PKHD1: variants seen among roughly 807,000 people sequenced by gnomAD.
PKHD1 encodes fibrocystin.
Under a neutral mutation model 412.0 loss-of-function variants are expected in PKHD1, and 291 were observed. The ratio of observed to expected loss-of-function variants is 0.71; its 90% CI spans 0.64 to 0.78. The LOEUF (loss-of-function observed/expected upper bound fraction) is 0.78. Ranked by LOEUF, PKHD1 falls within the 30% of genes least tolerant of loss-of-function variation. The probability of loss-of-function intolerance (pLI) is 0.00; values close to 1 mark genes in which losing one functional copy is unlikely to be tolerated. For synonymous variants in PKHD1, 1,777 were observed against 1,821.5 expected, an observed-to-expected ratio of 0.98 and a Z score of 0.62; for missense variants, 4,825 against 4,950.7, an observed-to-expected ratio of 0.97 and a Z score of 0.76.
At chr6:52,070,075 G>A (rs1810374266) in intron 10 of PKHD1, among the ~76,000 whole-genome samples, 1 of 152,080 alleles carries the variant, frequency 6.6e-6, no homozygotes, top group Admixed American at 6.6e-5. Context: ...CTTCCTAGAT[G>A]GTACAATGTA....
At chr6:51,832,256 G>A (rs770583688) in intron 51 of PKHD1, among the ~76,000 whole-genome samples, 6 of 152,064 alleles carry the variant, frequency 3.9e-5, no homozygotes, top group Non-Finnish European at 8.8e-5. Context: ...AGCTTCCCGA[G>A]GGAAGTAGTA....
At chr6:51,701,067 A>G (rs1363103505) in intron 60 of PKHD1, among the ~76,000 whole-genome samples, 1 of 152,144 alleles carries the variant, frequency 6.6e-6, no homozygotes, top group Non-Finnish European at 1.5e-5. Flanking sequence ...TTTAACAACT[A>G]AAATTATTAT....
intron 35 of PKHD1, among the ~76,000 whole-genome samples, chr6:51,968,344 C>T (rs1793151856): frequency 6.6e-6 from 1 of 152,158 alleles, no homozygotes; most frequent in African/African-American, 2.4e-5. Flanking sequence ...ATGGGTAGGC[C>T]TCCGATTAAC....
chr6:51,767,659 T>G (rs1237700372), intron 55 of PKHD1, among the ~76,000 whole-genome samples: 1 of 152,200 alleles, frequency 6.6e-6, no homozygotes, highest in East Asian at 1.9e-4. Flanking sequence ...TCATTTTTTA[T>G]GGCAGCATAG....
At chr6:51,776,035 T>C (rs1172990701) in intron 53 of PKHD1, 114 bp from the exon 54 acceptor site, 3 of 647,724 alleles carry the variant, frequency 4.6e-6, no homozygotes, top group East Asian at 2.7e-5. Context: ...GTAGACTATA[T>C]GGAGGAGTCA....
chr6:51,952,925 T>C (rs1389825685), intron 36 of PKHD1, among the ~76,000 whole-genome samples: 2 of 151,972 alleles, frequency 1.3e-5, no homozygotes, highest in Non-Finnish European at 2.9e-5. Context: ...TAACATCCAG[T>C]AGAGGTTTAT....
In PKHD1 at chr6:51,746,742, T is replaced by A; in HGVS notation, c.9977A>T (p.Tyr3326Phe). 1.9e-6 allele frequency: 3 copies of A among 1,608,230 alleles called. No individual in the cohort carries two copies. The highest frequency in any genetic ancestry group is 2.6e-6 in the Non-Finnish European group (3 of 1,174,882). Residue 3326 changes from tyrosine (Y) to phenylalanine (F), a missense_variant, in exon 59 of 67, where the codon TAC (tyrosine) becomes TTC (phenylalanine). Physicochemically the swap from Tyr to Phe is conservative, Grantham distance 22. Coordinates refer to ENST00000371117, the MANE Select transcript of PKHD1 (RefSeq NM_138694.4). ...ATACCTGGGTTGTAATGAAGGAAAG[T>A]AGAACTTGTTTTTATCTTTTATCTT... ...MLKIKDKNKF[Y>F]FPSLQPRKDL...
In PKHD1 at chr6:51,805,771, G is replaced by A. The variant is rs77976027; in HGVS notation, c.8303-14398C>T. 8.1e-3 allele frequency among the ~76,000 whole-genome samples: 1,233 copies of A among 152,212 alleles called. 17 individuals are homozygous for A. Among genetic ancestry groups the A allele is most frequent in the African/African-American group, 0.028 (1,175 of 41,510 alleles). Reference sequence around the variant, plus strand: ...TTTCAGAGTGCTCTGGCTGCAGTGGGGGAGAATGGAGTAGATGAGGGTAAG... The same window carrying A: ...TTTCAGAGTGCTCTGGCTGCAGTGGAGGAGAATGGAGTAGATGAGGGTAAG... On this transcript the variant is annotated intron_variant, in intron 52 of 66. Coordinates refer to ENST00000371117, the MANE Select transcript of PKHD1 (RefSeq NM_138694.4).
intron 63 of PKHD1, among the ~76,000 whole-genome samples, chr6:51,641,180 T>C (rs566320456): frequency 1.1e-4 from 16 of 152,328 alleles, no homozygotes; most frequent in African/African-American, 3.4e-4. Flanking sequence ...ATGTGATTTC[T>C]TCCCTACTTC....
intron 18 of PKHD1, 58 bp from the exon 19 acceptor site, chr6:52,055,787 T>G: frequency 1.3e-6 from 2 of 1,568,640 alleles, no homozygotes; most frequent in Non-Finnish European, 1.7e-6. Context: ...AAGACAGAGC[T>G]TCCCTACATG....
At chr6:51,973,449 C>T (rs1046623714) in intron 35 of PKHD1, among the ~76,000 whole-genome samples, 8 of 152,130 alleles carry the variant, frequency 5.3e-5, no homozygotes, top group African/African-American at 1.9e-4. Flanking sequence ...ACCAAATTTC[C>T]TTTTTACGTG....
In PKHD1 at chr6:52,058,330, T is replaced by A. The variant is rs767695967; in HGVS notation, c.1505A>T (p.Glu502Val). ...QIRVRAQRLP[E>V]VQVLNVSGRG... is the part of the protein sequence containing the mutation. ...CTGGAAAGAGACACAGACCTGTACT[T>A]CTGGAAGCCTCTGGGCTCGGACTCG... Residue 502 changes from glutamate to valine, a missense_variant, in exon 16 of 67, where the codon GAA (glutamate) becomes GTA (valine). Coordinates refer to ENST00000371117, the MANE Select transcript of PKHD1 (RefSeq NM_138694.4). The A allele has an allele frequency of 2.5e-6, 4 of 1,614,128 alleles. No homozygotes were observed. The South Asian group carries it at 4.4e-5, about 18-fold the overall frequency.
At position 51,885,854 on chromosome 6, in the gene PKHD1, CA is replaced by C. The variant is rs761002737; in HGVS notation, c.7215+12del. On this transcript the variant is annotated intron_variant, in intron 45 of 66. Coordinates refer to ENST00000371117, the MANE Select transcript of PKHD1 (RefSeq NM_138694.4). Reference sequence around the variant, plus strand: ...AAAACAACAACAATAACAACAACAACAAAAAAGCTTACCTGGGCACCACCTG... The same window carrying C: ...AAAACAACAACAATAACAACAACAACAAAAAGCTTACCTGGGCACCACCTG... 2.6e-6 allele frequency: 4 copies of C among 1,552,722 alleles called. No individual in the cohort carries two copies. The highest frequency in any genetic ancestry group is 1.4e-5 in the African/African-American group (1 of 73,812).
chr6:51,958,949 GA>G (rs889646171), intron 36 of PKHD1, among the ~76,000 whole-genome samples: 1 of 151,336 alleles, frequency 6.6e-6, no homozygotes, highest in Non-Finnish European at 1.5e-5. Flanking sequence ...CTATAGAAGA[GA>G]AAAAAAACAG....
chr6:51,841,310 A>G lies in PKHD1; in HGVS notation c.8108-4841T>C, dbSNP rs111917897. On this transcript the variant is annotated intron_variant, in intron 50 of 66. Coordinates refer to ENST00000371117, the MANE Select transcript of PKHD1 (RefSeq NM_138694.4). ...TAAGGCTAGCAACTCAGCATTGCGG[A>G]GCATTAACTCCTTAACCTGAGTGAT... is the stretch of plus-strand genomic sequence containing the variant. 4.6e-5 allele frequency among the ~76,000 whole-genome samples: 7 copies of G among 152,348 alleles called. 1 individual carries two copies. Among genetic ancestry groups the G allele is most frequent in the African/African-American group, 1.7e-4 (7 of 41,590 alleles).
intron 27 of PKHD1, among the ~76,000 whole-genome samples, chr6:52,040,451 C>T (rs1043414269): frequency 5.9e-5 from 9 of 152,256 alleles, no homozygotes; most frequent in African/African-American, 1.9e-4. Flanking sequence ...CACACAGCAG[C>T]CTAAGTCAGA....
chr6:51,954,027 T>C (rs1310086577), intron 36 of PKHD1, among the ~76,000 whole-genome samples: 2 of 152,112 alleles, frequency 1.3e-5, no homozygotes, highest in Non-Finnish European at 2.9e-5. Flanking sequence ...ATTCTTTCAG[T>C]AATCCAGTTT....
At chr6:51,882,579 G>A (rs1406648945) in intron 46 of PKHD1, among the ~76,000 whole-genome samples, 1 of 152,032 alleles carries the variant, frequency 6.6e-6, no homozygotes, top group Non-Finnish European at 1.5e-5. Flanking sequence ...AGAACATAGG[G>A]GATCCATTAT....
At chr6:51,894,927 T>A (rs1562554527) in intron 43 of PKHD1, among the ~76,000 whole-genome samples, 1 of 152,228 alleles carries the variant, frequency 6.6e-6, no homozygotes, top group Non-Finnish European at 1.5e-5. Flanking sequence ...AGTCTGAAAT[T>A]ATTTTAAAAT....
Sources: gnomAD v4.1 joint callset for allele counts (sites outside exome capture counted in the v4.1 genomes callset) on GRCh38, gnomAD v4.1.1 for gene constraint, MANE v1.5 for transcripts, NCBI Gene and HGNC (gene_info 2026-07-23, HGNC 2026-07-21) for gene names.